PI4KA: variants seen among roughly 807,000 people sequenced by gnomAD.
PI4KA encodes the protein phosphatidylinositol 4-kinase alpha, also known as PI4-kinase alpha.
PI4KA carries 122 observed loss-of-function variants against 271.4 expected under a neutral mutation model. That is an observed-to-expected ratio of 0.45 (90% CI 0.39 to 0.52). PI4KA has a LOEUF of 0.52. Ranked by LOEUF, PI4KA falls within the 20% of genes least tolerant of loss-of-function variation. The pLI, the probability that PI4KA is intolerant of heterozygous loss-of-function variation, is 0.00. For synonymous variants in PI4KA, 1,041 were observed against 1,078.8 expected, an observed-to-expected ratio of 0.96 and a Z score of 0.69; for missense variants, 1,969 against 2,769.1, an observed-to-expected ratio of 0.71 and a Z score of 6.48.
chr22:20,811,576 GGAAT>G (rs1921008778), intron 8 of PI4KA, among the ~76,000 whole-genome samples: 1 of 138,684 alleles, frequency 7.2e-6, no homozygotes, highest in East Asian at 2.2e-4. Flanking sequence ...ATTTAGTGTA[GGAAT>G]GAATTGTTCT....
At chr22:20,787,154 A>G in intron 19 of PI4KA, 1 of 1,236,002 alleles carries the variant, frequency 8.1e-7, no homozygotes, top group Non-Finnish European at 1.2e-6. Context: ...TTCTGGCATC[A>G]TTTACGTAGT....
rs1050137675 is a variant in PI4KA, at chr22:20,721,406, G to A, written c.5008C>T (p.Arg1670Trp). The change falls in exon 43 of 55, where the codon CGG (arginine) becomes TGG (tryptophan). Residue 1670 changes from arginine (R) to tryptophan (W), a missense_variant. Around this residue, in one of 13 missense-constraint regions of PI4KA, gnomAD observed 388 missense variants for 521.5 expected, o/e 0.74. Coordinates refer to ENST00000255882, the MANE Select transcript of PI4KA (RefSeq NM_058004.4). ...ALRYDKMGYV[R>W]EYILWAASKS... ...GACGCTGCCCACAGAATATACTCCC[G>A]CACATAGCCCATCTGCAGGAGAGCA... 2 of 1,613,788 alleles carry A rather than the reference G, an allele frequency of 1.2e-6. No homozygotes were observed. Among genetic ancestry groups the A allele is most frequent in the Non-Finnish European group, 1.7e-6 (2 of 1,179,964 alleles).
intron 4 of PI4KA, among the ~76,000 whole-genome samples, chr22:20,821,488 G>T (rs912255774): frequency 6.6e-6 from 1 of 152,110 alleles, no homozygotes; most frequent in South Asian, 2.1e-4. Flanking sequence ...GCAAAGTGCT[G>T]AGATTATAGG....
chr22:20,808,521 C>T (rs1267078341), intron 9 of PI4KA, among the ~76,000 whole-genome samples: 3 of 146,806 alleles, frequency 2.0e-5, no homozygotes, highest in African/African-American at 7.6e-5. Context: ...ACCTGGGAGG[C>T]GGAGCTTGCA....
Position 20,786,224 on chromosome 22 carries a change from C to T in PI4KA, c.2328+6969G>A, listed in dbSNP as rs566426119. ...ACAGCCCCACCTCCACTTGCCCTTC[C>T]TACCCACCCCCCAATCTCATGTCCC... On this transcript the variant is annotated intron_variant, in intron 19 of 54. Coordinates refer to ENST00000255882, the MANE Select transcript of PI4KA (RefSeq NM_058004.4). 10 of 1,498,554 alleles carry T rather than the reference C, an allele frequency of 6.7e-6. No homozygotes were observed. In the African/African-American group the frequency reaches 1.2e-4, roughly 19 times the overall value. 92.8% of individuals were successfully genotyped at this position (1,498,554 alleles called of 1,614,324 possible).
chr22:20,850,627 C>T (rs985975201), intron 1 of PI4KA, among the ~76,000 whole-genome samples: 41 of 151,626 alleles, frequency 2.7e-4, no homozygotes, highest in African/African-American at 9.4e-4. Context: ...TTAGTAGAGA[C>T]GGGGTTTCAC....
At chr22:20,765,960 A>AGGCAGGTGAGCAACAGTTACAGTG (rs1287152537) in intron 19 of PI4KA, among the ~76,000 whole-genome samples, 1 of 152,158 alleles carries the variant, frequency 6.6e-6, no homozygotes, top group East Asian at 1.9e-4. Flanking sequence ...TCTAGTTTGG[A>AGGCAGGTGAGCAACAGTTACAGTG]GGCAGGTGAG....
At chr22:20,855,585 G>A (rs1471689455) in intron 1 of PI4KA, among the ~76,000 whole-genome samples, 1 of 152,202 alleles carries the variant, frequency 6.6e-6, no homozygotes, top group Admixed American at 6.5e-5. Flanking sequence ...CTAAAAGCAT[G>A]TCAGGGCTGC....
chr22:20,732,081 G>A (rs1423755499), intron 36 of PI4KA, among the ~76,000 whole-genome samples: 1 of 152,090 alleles, frequency 6.6e-6, no homozygotes, highest in Non-Finnish European at 1.5e-5. Flanking sequence ...GGCTGAGGCA[G>A]GAGAATGGCA....
At chr22:20,803,583 G>C (rs1425518832) in intron 12 of PI4KA, among the ~76,000 whole-genome samples, 1 of 152,212 alleles carries the variant, frequency 6.6e-6, no homozygotes, top group Non-Finnish European at 1.5e-5. Flanking sequence ...GGAGTGCAGT[G>C]GCACGATCAT....
At chr22:20,815,574 T>A (rs779449805) in intron 7 of PI4KA, among the ~76,000 whole-genome samples, 2 of 152,160 alleles carry the variant, frequency 1.3e-5, no homozygotes, top group African/African-American at 2.4e-5. Context: ...AAAGCTGGTA[T>A]CTCACAGCTG....
intron 36 of PI4KA, among the ~76,000 whole-genome samples, chr22:20,732,698 G>C (rs982737647): frequency 3.9e-5 from 6 of 152,246 alleles, no homozygotes; most frequent in Admixed American, 3.9e-4. Flanking sequence ...TCAGAGGGGT[G>C]TGTGAACGCA....
Position 20,807,344 on chromosome 22 carries a change from TG to T in PI4KA, c.1168+17del. 6.6e-7 allele frequency: 1 copy of T among 1,523,462 alleles called. No homozygotes were observed. Among genetic ancestry groups the T allele is most frequent in the African/African-American group, 1.4e-5 (1 of 73,200 alleles). The allele number at this position is 1,523,462 out of a possible 1,614,324, so 94.4% of individuals were successfully genotyped here. ...CAGTCTTGCTGTACTCACAAACACA[TG>T]GGCAAACTGTCCTCACCCTTCATGT... On this transcript the variant is annotated intron_variant, in intron 10 of 54. Transcript: ENST00000255882.
intron 7 of PI4KA, among the ~76,000 whole-genome samples, chr22:20,815,556 G>A (rs1007381480): frequency 7.9e-5 from 12 of 152,176 alleles, no homozygotes; most frequent in African/African-American, 2.9e-4. Flanking sequence ...TTTAGCTCCA[G>A]TTGTGTCAAA....
intron 3 of PI4KA, among the ~76,000 whole-genome samples, chr22:20,824,732 TCACACACA>T (rs361914): frequency 0.028 from 3,854 of 136,210 alleles, 107 homozygotes; most frequent in African/African-American, 0.07. Flanking sequence ...ATGTGATAAA[TCACACACA>T]CACACACACA....
intron 1 of PI4KA, among the ~76,000 whole-genome samples, chr22:20,841,206 CA>C (rs1925512943): frequency 6.6e-6 from 1 of 152,132 alleles, no homozygotes; most frequent in Non-Finnish European, 1.5e-5. Context: ...TTACATAAAG[CA>C]TAAGAATGGA....
chr22:20,794,151 G>A (rs574648792), intron 18 of PI4KA, among the ~76,000 whole-genome samples: 5 of 152,314 alleles, frequency 3.3e-5, no homozygotes, highest in African/African-American at 9.6e-5. Flanking sequence ...CCTGGGCTGG[G>A]GGCCACAAGG....
chr22:20,794,653 G>A (rs1402635566), intron 18 of PI4KA, among the ~76,000 whole-genome samples: 7 of 152,162 alleles, frequency 4.6e-5, no homozygotes. Flanking sequence ...ACTCTTCAGA[G>A]AAGCCTTCTC....
intron 1 of PI4KA, among the ~76,000 whole-genome samples, chr22:20,851,715 G>A (rs1927003421): frequency 6.6e-6 from 1 of 152,142 alleles, no homozygotes; most frequent in Admixed American, 6.6e-5. Context: ...AATGGCTTCT[G>A]CAGCAGAGAC....
Sources: gnomAD v4.1 joint callset for allele counts (sites outside exome capture counted in the v4.1 genomes callset) on GRCh38, gnomAD v4.1.1 for gene constraint, gnomAD v4.1.1 regional missense constraint, MANE v1.5 for transcripts, NCBI Gene and HGNC (gene_info 2026-07-23, HGNC 2026-07-21) for gene names.